RHOU: variants seen among roughly 807,000 people sequenced by gnomAD.
RHOU encodes ras homolog family member U, also known as rho-related GTP-binding protein RhoU.
RHOU carries 8 observed loss-of-function variants against 12.6 expected under a neutral mutation model. That is an observed-to-expected ratio of 0.64 (90% CI 0.37 to 1.15). The LOEUF is 1.15. Among genes scored for constraint, RHOU ranks in the 50% most tolerant of loss-of-function variants. RHOU has a pLI of 0.01. For missense variants in RHOU, 258 were observed against 347.0 expected, an observed-to-expected ratio of 0.74 and a Z score of 2.04; for synonymous variants, 161 against 147.4, an observed-to-expected ratio of 1.09 and a Z score of -0.67.
rs1662655446 is a variant in RHOU, at chr1:228,738,329, G to A, written c.321+598G>A. On this transcript the variant is annotated intron_variant, in intron 2 of 2. Transcript: ENST00000366691. The surrounding 1 kb of genome is among the most constrained non-coding windows in gnomAD (Gnocchi z 4.2). ...GTGAACGCTGGTTCTTGTCTCGAGG[G>A]CTGGGCCCTTGGAGGAAATAGCCAG... Among the ~76,000 whole-genome samples, 1 of 152,210 alleles carries A rather than the reference G, an allele frequency of 6.6e-6. No homozygotes were observed. The highest frequency in any genetic ancestry group is 2.1e-4 in the South Asian group (1 of 4,826).
At chr1:228,677,360 T>C in the RHOU span, among the ~76,000 whole-genome samples, 3 of 151,920 alleles carry the variant, frequency 2.0e-5, no homozygotes, top group African/African-American at 7.3e-5. Flanking sequence ...AATTACAGAG[T>C]GTCAAAGGGG....
At chr1:228,721,582 G>T in the RHOU span, among the ~76,000 whole-genome samples, 1 of 152,212 alleles carries the variant, frequency 6.6e-6, no homozygotes, top group Admixed American at 6.5e-5. Context: ...CAGTGGGTGT[G>T]CTGGACAAAG....
chr1:228,670,892 C>T, the RHOU span, among the ~76,000 whole-genome samples: 2 of 152,186 alleles, frequency 1.3e-5, no homozygotes, highest in Admixed American at 6.5e-5. Flanking sequence ...TCCTCTTCAC[C>T]TTCTGCCATG....
At chr1:228,685,807 T>C in the RHOU span, among the ~76,000 whole-genome samples, 1 of 152,216 alleles carries the variant, frequency 6.6e-6, no homozygotes, top group Non-Finnish European at 1.5e-5. Flanking sequence ...CCTTAATCAG[T>C]AGCATTTGAC....
chr1:228,700,566 A>G, the RHOU span, among the ~76,000 whole-genome samples: 3 of 152,224 alleles, frequency 2.0e-5, no homozygotes, highest in African/African-American at 7.2e-5. Context: ...ATCAGAATTA[A>G]GCCATTAACT....
At chr1:228,686,204 A>G in the RHOU span, among the ~76,000 whole-genome samples, 1 of 152,318 alleles carries the variant, frequency 6.6e-6, no homozygotes, top group South Asian at 2.1e-4. Flanking sequence ...GAATAAAATA[A>G]AAATAACTAA....
the RHOU span, among the ~76,000 whole-genome samples, chr1:228,677,665 A>C: frequency 6.6e-6 from 1 of 152,166 alleles, no homozygotes; most frequent in Non-Finnish European, 1.5e-5. Context: ...GTGGCATAAG[A>C]ACGGGAACCA....
At chr1:228,719,725 G>A in the RHOU span, among the ~76,000 whole-genome samples, 1 of 152,014 alleles carries the variant, frequency 6.6e-6, no homozygotes, top group Admixed American at 6.6e-5. Context: ...ACATGACTCT[G>A]TCTTAAAACA....
chr1:228,741,756 C>A (rs1662724210), intron 2 of RHOU, among the ~76,000 whole-genome samples: 1 of 152,168 alleles, frequency 6.6e-6, no homozygotes, highest in South Asian at 2.1e-4. Flanking sequence ...GATCCCCCTG[C>A]CTCAGCTTCC....
rs1662583315 is a variant in RHOU, at chr1:228,735,568, C to T, written c.-175C>T. 2.6e-6 allele frequency: 1 copy of T among 381,900 alleles called. No homozygotes were observed. Among genetic ancestry groups the T allele is most frequent in the Non-Finnish European group, 4.2e-6 (1 of 235,878 alleles). The allele number at this position is 381,900 out of a possible 1,614,324, so 23.7% of individuals were successfully genotyped here. ...CGCCGCCGGAGCGCGGAGCCACGAC[C>T]CTCCCTGGCCGCCTTTGTCTACTGG... On this transcript the variant is annotated 5_prime_UTR_variant, in exon 1 of 3. Transcript: ENST00000366691. This position sits in a 1 kb window ranked among gnomAD's most constrained non-coding sequence, Gnocchi z 8.1.
chr1:228,697,931 T>C, the RHOU span, among the ~76,000 whole-genome samples: 1 of 152,228 alleles, frequency 6.6e-6, no homozygotes, highest in Non-Finnish European at 1.5e-5. Context: ...ATCTACTTAA[T>C]AGCAATCATT....
upstream of RHOU, among the ~76,000 whole-genome samples, chr1:228,734,190 CTTTT>C (rs5781517): frequency 6.8e-6 from 1 of 147,276 alleles, no homozygotes; most frequent in South Asian, 2.1e-4. Flanking sequence ...GATTAAAATA[CTTTT>C]TTTTTTTTCA....
the RHOU span, among the ~76,000 whole-genome samples, chr1:228,671,379 T>G: frequency 3.3e-5 from 5 of 152,126 alleles, no homozygotes; most frequent in African/African-American, 1.2e-4. Context: ...AGAAATAAGG[T>G]GGTAATTTTT....
At chr1:228,649,701 A>T in the RHOU span, among the ~76,000 whole-genome samples, 1 of 152,184 alleles carries the variant, frequency 6.6e-6, no homozygotes, top group Non-Finnish European at 1.5e-5. Context: ...TTTATCTTGA[A>T]TTAACTTGAT....
chr1:228,667,630 C>G, the RHOU span, among the ~76,000 whole-genome samples: 1 of 152,140 alleles, frequency 6.6e-6, no homozygotes, highest in Admixed American at 6.6e-5. Context: ...GGACTTGATT[C>G]TGGGAAATCG....
the RHOU span, among the ~76,000 whole-genome samples, chr1:228,720,950 T>G: frequency 1.3e-5 from 2 of 152,218 alleles, no homozygotes; most frequent in African/African-American, 2.4e-5. Context: ...CTTCCCAGGT[T>G]TGCACAGCAG....
In RHOU at chr1:228,743,988, T is replaced by A. The variant is rs1475817942; in HGVS notation, c.*248T>A. On this transcript the variant is annotated 3_prime_UTR_variant, in exon 3 of 3. Transcript: ENST00000366691. The surrounding 1 kb of genome is among the most constrained non-coding windows in gnomAD (Gnocchi z 5.1). ...AACATTTTTCACATCTCTGGAAATTTAGAGTTCTAGACCTCTGGTTAATTT... is the reference window on the plus strand; with the variant it reads ...AACATTTTTCACATCTCTGGAAATTAAGAGTTCTAGACCTCTGGTTAATTT... 2.4e-6 allele frequency: 1 copy of A among 420,172 alleles called. No individual in the cohort carries two copies. The highest frequency in any genetic ancestry group is 4.2e-5 in the Admixed American group (1 of 24,048). 26.0% of individuals were successfully genotyped at this position (420,172 alleles called of 1,614,324 possible).
At chr1:228,687,815 T>C in the RHOU span, 1 of 1,265,214 alleles carries the variant, frequency 7.9e-7, no homozygotes. Flanking sequence ...GGGACAGTGA[T>C]AATGAAAGCT....
the RHOU span, among the ~76,000 whole-genome samples, chr1:228,706,191 T>C: frequency 1.3e-5 from 2 of 152,222 alleles, no homozygotes; most frequent in Admixed American, 1.3e-4. Flanking sequence ...GGGGTTACTT[T>C]ACTTGGTCAC....
Sources: allele counts gnomAD v4.1 joint callset (sites outside exome capture counted in the v4.1 genomes callset), GRCh38; gene constraint gnomAD v4.1.1; non-coding constraint Gnocchi (gnomAD v3.1); transcripts MANE v1.5; gene names NCBI Gene and HGNC (gene_info 2026-07-23, HGNC 2026-07-21).